The following OR51B5 variants were observed in gnomAD, a reference collection of about 807,000 sequenced individuals.
OR51B5 encodes olfactory receptor family 51 subfamily B member 5, also known as olfactory receptor 51B5.
For missense variants in OR51B5, 456 were observed against 374.6 expected (o/e 1.22, Z -1.79); for synonymous variants, 186 against 144.8 (o/e 1.28, Z -2.04).
chr11:5,344,993 T>G (rs1848968340), upstream of OR51B5, among the ~76,000 whole-genome samples: 1 of 152,088 alleles, frequency 6.6e-6, no homozygotes, highest in Non-Finnish European at 1.5e-5. Flanking sequence ...TATACAGACC[T>G]AGAGGAAAAC....
upstream of OR51B5, chr11:5,345,928 C>T (rs1848983411): frequency 6.6e-6 from 1 of 151,946 alleles, no homozygotes; most frequent in Admixed American, 6.6e-5. Context: ...AATTCAGTGC[C>T]TACTGAACAT....
intron 1 of OR51B5, among the ~76,000 whole-genome samples, chr11:5,450,941 A>C (rs1850837818): frequency 6.6e-6 from 1 of 152,194 alleles, no homozygotes; most frequent in South Asian, 2.1e-4. Context: ...AGTAAAAAAA[A>C]AAGAAAAAGA....
At chr11:5,365,758 G>T (rs1049442802) in intron 1 of OR51B5, among the ~76,000 whole-genome samples, 1 of 152,004 alleles carries the variant, frequency 6.6e-6, no homozygotes, top group African/African-American at 2.4e-5. Flanking sequence ...AGCTTTTGAG[G>T]GCAGATATTA....
chr11:5,394,949 G>A (rs1356977893), intron 1 of OR51B5, among the ~76,000 whole-genome samples: 1 of 152,170 alleles, frequency 6.6e-6, no homozygotes, highest in African/African-American at 2.4e-5. Flanking sequence ...GGGGACTTTT[G>A]TCTGGGAAAA....
chr11:5,484,972 T>G (rs1427695388), intron 1 of OR51B5, among the ~76,000 whole-genome samples: 1 of 152,224 alleles, frequency 6.6e-6, no homozygotes, highest in African/African-American at 2.4e-5. Context: ...TTTAGCACTT[T>G]CAGATTTGAC....
chr11:5,374,975 A>G (rs1400389729), intron 1 of OR51B5, among the ~76,000 whole-genome samples: 3 of 151,818 alleles, frequency 2.0e-5, no homozygotes, highest in Non-Finnish European at 4.4e-5. Context: ...TTCAGGAAAT[A>G]CAGAGAACGC....
chr11:5,460,529 G>T (rs1474695930), intron 1 of OR51B5, among the ~76,000 whole-genome samples: 2 of 152,080 alleles, frequency 1.3e-5, no homozygotes, highest in Non-Finnish European at 2.9e-5. Flanking sequence ...ACCTTCTTCA[G>T]TATCTCATTG....
intron 1 of OR51B5, chr11:5,505,429 T>C (rs1377002799): frequency 3.8e-6 from 5 of 1,304,124 alleles, no homozygotes; most frequent in Non-Finnish European, 5.1e-6. Context: ...TAGGTTTTTC[T>C]TTAATCTGGA....
At chr11:5,414,447 G>A (rs1164150035) in intron 1 of OR51B5, among the ~76,000 whole-genome samples, 8 of 151,478 alleles carry the variant, frequency 5.3e-5, no homozygotes, top group African/African-American at 1.2e-4. Context: ...AACTTTAAAA[G>A]TAAATGGACT....
chr11:5,440,978 G>A (rs1311503808), intron 1 of OR51B5: 9 of 1,613,894 alleles, frequency 5.6e-6, no homozygotes, highest in Non-Finnish European at 8.5e-7. Context: ...GGAGACAGTA[G>A]GAGTGATGCA....
intron 1 of OR51B5, among the ~76,000 whole-genome samples, chr11:5,351,160 C>T (rs78553425): frequency 3.6e-3 from 547 of 152,274 alleles, no homozygotes; most frequent in Middle Eastern, 0.01. Flanking sequence ...CAGGCCATTA[C>T]AGCACTATTC....
intron 1 of OR51B5, among the ~76,000 whole-genome samples, chr11:5,373,123 G>T (rs987236304): frequency 6.6e-6 from 1 of 152,064 alleles, no homozygotes; most frequent in Non-Finnish European, 1.5e-5. Flanking sequence ...AAATGCAAAA[G>T]AATAAAATTG....
intron 1 of OR51B5, chr11:5,352,132 T>A (rs368560937): frequency 6.2e-7 from 1 of 1,614,212 alleles, no homozygotes; most frequent in African/African-American, 1.3e-5. Context: ...CTTGTTGGAC[T>A]TTCTCATCAT....
intron 1 of OR51B5, among the ~76,000 whole-genome samples, chr11:5,395,661 T>G (rs1377455819): frequency 6.6e-6 from 1 of 152,138 alleles, no homozygotes; most frequent in Non-Finnish European, 1.5e-5. Flanking sequence ...ACAGCCCCAT[T>G]AAACCTAATC....
intron 1 of OR51B5, among the ~76,000 whole-genome samples, chr11:5,435,900 T>A (rs1850585753): frequency 6.6e-6 from 1 of 152,246 alleles, no homozygotes; most frequent in African/African-American, 2.4e-5. Context: ...ATTACATTTA[T>A]ACCTCCTTCC....
chr11:5,434,017 AT>A (rs1337610158), intron 1 of OR51B5, among the ~76,000 whole-genome samples: 1 of 152,036 alleles, frequency 6.6e-6, no homozygotes, highest in Non-Finnish European at 1.5e-5. Context: ...CCTCTTACCA[AT>A]TTATTTATCT....
intron 1 of OR51B5, among the ~76,000 whole-genome samples, chr11:5,382,239 T>G (rs1357170054): frequency 1.3e-5 from 2 of 152,180 alleles, no homozygotes; most frequent in African/African-American, 4.8e-5. Flanking sequence ...TCAAAACACA[T>G]AAACAACTTT....
intron 1 of OR51B5, among the ~76,000 whole-genome samples, chr11:5,416,510 T>A (rs560689404): frequency 0.011 from 1,595 of 151,566 alleles, 26 homozygotes; most frequent in African/African-American, 0.036. Context: ...GATGACATGA[T>A]TGTATATCTA....
At chr11:5,401,911 CT>C (rs1340506641) in intron 1 of OR51B5, among the ~76,000 whole-genome samples, 13 of 145,980 alleles carry the variant, frequency 8.9e-5, no homozygotes. Flanking sequence ...TTTTCTTTCT[CT>C]CTCTCTCTTC....
Sources: gnomAD v4.1 joint callset for allele counts (sites outside exome capture counted in the v4.1 genomes callset) on GRCh38, gnomAD v4.1.1 for gene constraint, MANE v1.5 for transcripts, NCBI Gene and HGNC (gene_info 2026-07-23, HGNC 2026-07-21) for gene names.